The following PPP2R2D variants were observed in gnomAD, a reference collection of about 807,000 sequenced individuals.
PPP2R2D encodes protein phosphatase 2 regulatory subunit Bdelta.
Under a neutral mutation model 31.1 loss-of-function variants are expected in PPP2R2D, and 9 were observed. That is an observed-to-expected ratio of 0.29 (90% confidence interval 0.17 to 0.51). PPP2R2D has a LOEUF of 0.51. Among genes scored for constraint, PPP2R2D ranks in the 20% least tolerant of loss-of-function variants. The probability of loss-of-function intolerance (pLI) is 0.98; values close to 1 mark genes in which losing one functional copy is unlikely to be tolerated. For missense variants in PPP2R2D, 391 were observed against 465.6 expected, an observed-to-expected ratio of 0.84 and a Z score of 1.48; for synonymous variants, 179 against 172.6, an observed-to-expected ratio of 1.04 and a Z score of -0.29.
At chr10:131,964,941 AC>A in the PPP2R2D span, among the ~76,000 whole-genome samples, 1 of 150,786 alleles carries the variant, frequency 6.6e-6, no homozygotes, top group African/African-American at 2.4e-5. Flanking sequence ...ACCTCTTTCC[AC>A]CCCGGGGTAA....
Position 131,901,029 on chromosome 10 carries a change from G to GCGGCGGCGGCGGCGC in PPP2R2D, c.-106_-105insCCGGCGGCGGCGGCG, listed in dbSNP as rs2035479506. 6.5e-6 allele frequency: 1 copy of GCGGCGGCGGCGGCGC among 153,826 alleles called. No homozygotes were observed. The highest frequency in any genetic ancestry group is 6.8e-5 in the Admixed American group (1 of 14,790). 9.5% of individuals were successfully genotyped at this position (153,826 alleles called of 1,614,324 possible). On this transcript the variant is annotated 5_prime_UTR_variant, in exon 1 of 9. Coordinates refer to ENST00000455566, the MANE Select transcript of PPP2R2D (RefSeq NM_018461.5). ...GGAAAAAAATCCCTCCCCGGCGGCG[G>GCGGCGGCGGCGGCGC]CGGCGGCGGCGGCGGCGCCGGCGGT... is the stretch of plus-strand genomic sequence containing the variant.
chr10:131,927,148 G>A (rs1224623922), intron 2 of PPP2R2D, among the ~76,000 whole-genome samples: 2 of 152,160 alleles, frequency 1.3e-5, no homozygotes, highest in Non-Finnish European at 2.9e-5. Context: ...GAAATAAGCA[G>A]ATTCATTAAT....
intron 2 of PPP2R2D, among the ~76,000 whole-genome samples, chr10:131,905,738 G>T (rs1222598055): frequency 6.6e-6 from 1 of 152,176 alleles, no homozygotes; most frequent in Non-Finnish European, 1.5e-5. Flanking sequence ...CGAGTGTATG[G>T]CAGGGCCAGG....
intron 8 of PPP2R2D, among the ~76,000 whole-genome samples, chr10:131,949,734 A>G (rs1370362879): frequency 2.6e-5 from 4 of 151,972 alleles, no homozygotes; most frequent in Admixed American, 2.0e-4. Context: ...AATGACAAGT[A>G]TGATACATGA....
chr10:131,971,221 G>A, the PPP2R2D span: 30 of 509,000 alleles, frequency 5.9e-5, no homozygotes, highest in Admixed American at 6.4e-4. Context: ...CACTCAGGGC[G>A]TAAATACATT....
At chr10:131,916,377 A>G (rs2119771670) in intron 2 of PPP2R2D, among the ~76,000 whole-genome samples, 1 of 151,478 alleles carries the variant, frequency 6.6e-6, no homozygotes, top group African/African-American at 2.4e-5. Context: ...AATTGTGGTA[A>G]AATATACATG....
chr10:131,930,444 C>G (rs781917367), intron 2 of PPP2R2D, among the ~76,000 whole-genome samples: 2 of 152,242 alleles, frequency 1.3e-5, no homozygotes, highest in Non-Finnish European at 2.9e-5. Context: ...GCCAAATTGC[C>G]TCTCGCAGCA....
chr10:131,959,189 T>C lies in PPP2R2D; in HGVS notation c.*3226T>C, dbSNP rs374437298. 8.1e-3 allele frequency: 913 copies of C among 112,722 alleles called. 20 individuals carry two copies. The highest frequency in any genetic ancestry group is 0.013 in the East Asian group (31 of 2,438). The allele number at this position is 112,722 out of a possible 1,614,324, so 7.0% of individuals were successfully genotyped here. A position where few individuals can be genotyped will look rare whatever the true frequency, so the allele number is the denominator to read the frequency against. On this transcript the variant is annotated 3_prime_UTR_variant, in exon 9 of 9. Coordinates refer to ENST00000455566, the MANE Select transcript of PPP2R2D (RefSeq NM_018461.5). ...CCCGGTCCCCCTGTGGAGATGAAGGTGTGTGCTGATCCCCCGTCCTCCTGT... is the reference window on the plus strand; with the variant it reads ...CCCGGTCCCCCTGTGGAGATGAAGGCGTGTGCTGATCCCCCGTCCTCCTGT...
rs375413076 is a variant in PPP2R2D at position 131,925,936 on chromosome 10, A to G, written c.101-8522A>G. On this transcript the variant is annotated intron_variant, in intron 2 of 8. Transcript: ENST00000455566. ...GTGGCTCCGCCCCGTTTTTCAGCGC[A>G]CACACAGGCCCTTAGTCTGAGCCAC... Among the ~76,000 whole-genome samples the G allele has an allele frequency of 2.0e-4, 31 of 152,226 alleles. No individual in the cohort carries two copies. In the East Asian group the frequency reaches 4.1e-3, roughly 20 times the overall value.
At chr10:131,936,436 A>G (rs534476327) in intron 3 of PPP2R2D, among the ~76,000 whole-genome samples, 38 of 152,196 alleles carry the variant, frequency 2.5e-4, no homozygotes, top group African/African-American at 8.9e-4. Flanking sequence ...ATGGGCCACC[A>G]CGCCTGGCCA....
At chr10:131,946,645 C>T (rs1385134964) in intron 7 of PPP2R2D, among the ~76,000 whole-genome samples, 1 of 152,162 alleles carries the variant, frequency 6.6e-6, no homozygotes, top group Non-Finnish European at 1.5e-5. Context: ...TTCTATTTGT[C>T]ATCAGAGTGA....
At chr10:131,910,062 A>G (rs1340119467) in intron 2 of PPP2R2D, among the ~76,000 whole-genome samples, 1 of 152,208 alleles carries the variant, frequency 6.6e-6, no homozygotes, top group Non-Finnish European at 1.5e-5. Context: ...GTGGCGTCAC[A>G]CTTCCATGTG....
In PPP2R2D at chr10:131,939,943, A is replaced by G. The variant is rs901465809; in HGVS notation, c.199-88A>G. 4 of 433,734 alleles carry G rather than the reference A, an allele frequency of 9.2e-6. No individual in the cohort carries two copies. The South Asian group carries it at 3.4e-4, about 37-fold the overall frequency. The allele number at this position is 433,734 out of a possible 1,614,324, so 26.9% of individuals were successfully genotyped here. On this transcript the variant is annotated intron_variant, in intron 3 of 8. Coordinates refer to ENST00000455566, the MANE Select transcript of PPP2R2D (RefSeq NM_018461.5). ...GATTTTTTAGCTTTAAAAAATATGT[A>G]TGGTCATTTGATATTCAAATTTATA...
chr10:131,901,962 G>C (rs2119685118), intron 2 of PPP2R2D, among the ~76,000 whole-genome samples: 1 of 152,258 alleles, frequency 6.6e-6, no homozygotes, highest in East Asian at 1.9e-4. Flanking sequence ...TTTTAGTCTT[G>C]AACTTCATGG....
rs2036517468 is a variant in PPP2R2D, at chr10:131,945,368, C to T, written c.729C>T (p.His243=). ...EVITAAEFHP[H]QCNVFVYSSS... is the part of the protein sequence containing the mutation. ...TCACTGCAGCCGAGTTCCACCCGCA[C>T]CAGTGCAACGTGTTCGTCTACAGCA... The change falls in exon 7 of 9, where the codon CAC becomes CAT. Residue 243 remains histidine (H), a synonymous_variant. Coordinates refer to ENST00000455566, the MANE Select transcript of PPP2R2D (RefSeq NM_018461.5). The surrounding 1 kb of genome is among the most constrained non-coding windows in gnomAD (Gnocchi z 4.8). 1 of 1,614,104 alleles carries T rather than the reference C, an allele frequency of 6.2e-7. No individual in the cohort carries two copies. Among genetic ancestry groups the T allele is most frequent in the Admixed American group, 1.7e-5 (1 of 60,008 alleles).
At chr10:131,925,888 C>T (rs1360909455) in intron 2 of PPP2R2D, among the ~76,000 whole-genome samples, 1 of 152,206 alleles carries the variant, frequency 6.6e-6, no homozygotes, top group Non-Finnish European at 1.5e-5. Context: ...AGGCCCCTCC[C>T]CAGCATAAGG....
rs377461967 is a variant in PPP2R2D, at chr10:131,945,353, C to T, written c.714C>T (p.Ala238=). 61 of 1,614,070 alleles carry T rather than the reference C, an allele frequency of 3.8e-5. No individual in the cohort carries two copies. The highest frequency in any genetic ancestry group is 4.3e-5 in the Non-Finnish European group (51 of 1,180,046). The change falls in exon 7 of 9, where the codon GCC becomes GCT. Residue 238 remains alanine, a synonymous_variant. Transcript: ENST00000455566. The surrounding 1 kb of genome is among the most constrained non-coding windows in gnomAD (Gnocchi z 4.8). ...AGCTGACCGAAGTCATCACTGCAGC[C>T]GAGTTCCACCCGCACCAGTGCAACG... is the stretch of plus-strand genomic sequence containing the variant. ...MEELTEVITA[A]EFHPHQCNVF...
At chr10:131,938,780 G>T (rs536417397) in intron 3 of PPP2R2D, among the ~76,000 whole-genome samples, 1 of 152,312 alleles carries the variant, frequency 6.6e-6, no homozygotes, top group East Asian at 1.9e-4. Flanking sequence ...ATGGCCCTGT[G>T]GCTTACTGTT....
intron 2 of PPP2R2D, among the ~76,000 whole-genome samples, chr10:131,930,303 G>T (rs985971982): frequency 4.6e-5 from 7 of 152,092 alleles, no homozygotes; most frequent in African/African-American, 1.4e-4. Flanking sequence ...CTTGTCCCCA[G>T]ACCAGTCTCC....
Sources: allele counts gnomAD v4.1 joint callset (sites outside exome capture counted in the v4.1 genomes callset), GRCh38; gene constraint gnomAD v4.1.1; non-coding constraint Gnocchi (gnomAD v3.1); transcripts MANE v1.5; gene names NCBI Gene and HGNC (gene_info 2026-07-23, HGNC 2026-07-21).